ETV1: variants seen among roughly 807,000 people sequenced by gnomAD.
ETV1 encodes ETS translocation variant 1.
A neutral mutation model predicts 62.3 loss-of-function variants in ETV1; 27 were observed. The ratio of observed to expected loss-of-function variants is 0.43; its 90% CI spans 0.32 to 0.60. The LOEUF is 0.60. Among genes scored for constraint, ETV1 ranks in the 20% least tolerant of loss-of-function variants. ETV1 has a pLI of 0.06. For missense variants in ETV1, 605 were observed against 605.8 expected (o/e 1.00, Z 0.01); for synonymous variants, 222 against 199.6 (o/e 1.11, Z -0.94).
upstream of ETV1, chr7:13,989,695 C>A (rs1170572134): frequency 2.5e-6 from 1 of 398,362 alleles, no homozygotes; most frequent in Non-Finnish European, 4.4e-6. Flanking sequence ...GGTTTTTCCT[C>A]TACTTCTCCT....
intron 6 of ETV1, among the ~76,000 whole-genome samples, chr7:13,973,033 C>A (rs1200071404): frequency 6.6e-6 from 1 of 152,184 alleles, no homozygotes; most frequent in Non-Finnish European, 1.5e-5. Flanking sequence ...TAAACAGCAA[C>A]AAACAATGCT....
Position 13,939,264 on chromosome 7 carries a change from A to T in ETV1, c.236-18T>A. 1 of 1,594,194 alleles carries T rather than the reference A, an allele frequency of 6.3e-7. No individual in the cohort carries two copies. Among genetic ancestry groups the T allele is most frequent in the Non-Finnish European group, 8.5e-7 (1 of 1,174,406 alleles). Reference sequence around the variant, plus strand: ...AAAAGCCACTAGAAAAAAGAACAAAAATATCCACAAAAATTAAATGCTGTA... The same window carrying T: ...AAAAGCCACTAGAAAAAAGAACAAATATATCCACAAAAATTAAATGCTGTA... On this transcript the variant is annotated intron_variant, in intron 6 of 13. Coordinates refer to ENST00000430479, the MANE Select transcript of ETV1 (RefSeq NM_004956.5).
At chr7:13,921,781 G>A (rs561863093) in intron 9 of ETV1, among the ~76,000 whole-genome samples, 1 of 152,162 alleles carries the variant, frequency 6.6e-6, no homozygotes, top group South Asian at 2.1e-4. Context: ...AGGCAGGTGG[G>A]AGATGAACCC....
At chr7:13,988,822 A>G (rs1782806525) in intron 3 of ETV1, 186 bp downstream of exon 3, 1 of 1,602,126 alleles carries the variant, frequency 6.2e-7, no homozygotes, top group South Asian at 1.1e-5. Flanking sequence ...GCCTTATCCA[A>G]ATCACTGAAA....
At chr7:13,901,820 C>T (rs1782464680) in intron 12 of ETV1, among the ~76,000 whole-genome samples, 1 of 151,994 alleles carries the variant, frequency 6.6e-6, no homozygotes, top group Non-Finnish European at 1.5e-5. Context: ...TATATGAGTC[C>T]ACAAACAAAA....
chr7:13,941,906 T>G (rs867736764), intron 6 of ETV1, among the ~76,000 whole-genome samples: 15 of 136,046 alleles, frequency 1.1e-4, no homozygotes, highest in African/African-American at 2.4e-4. Flanking sequence ...AATAAATAAA[T>G]AAAGTAAGAA....
chr7:13,959,739 C>A (rs1046682711), intron 6 of ETV1, among the ~76,000 whole-genome samples: 1 of 151,860 alleles, frequency 6.6e-6, no homozygotes, highest in Non-Finnish European at 1.5e-5. Context: ...CAAAAAGTAG[C>A]CAGAGTGGTG....
intron 6 of ETV1, among the ~76,000 whole-genome samples, chr7:13,966,034 A>ATG (rs1361283983): frequency 2.6e-5 from 4 of 152,234 alleles, no homozygotes; most frequent in Non-Finnish European, 4.4e-5. Flanking sequence ...ATTAGGATCT[A>ATG]TGTAAAGTAT....
chr7:13,980,471 A>C lies in ETV1; in HGVS notation c.182-2991T>G, dbSNP rs547876173. Among the ~76,000 whole-genome samples the C allele has an allele frequency of 3.3e-5, 5 of 152,288 alleles. No homozygotes were observed. The South Asian group carries it at 1.0e-3, about 32-fold the overall frequency. ...AGCCTAAAAAAGCAATGTTTTTTCC[A>C]CTACTATCTATTATAAACTGTGCTG... is the stretch of plus-strand genomic sequence containing the variant. On this transcript the variant is annotated intron_variant, in intron 5 of 13. Coordinates refer to ENST00000430479, the MANE Select transcript of ETV1 (RefSeq NM_004956.5).
intron 13 of ETV1, 136 bp from the exon 14 acceptor site, chr7:13,896,223 T>A: frequency 8.5e-6 from 5 of 588,996 alleles, no homozygotes. Flanking sequence ...AAACAACTAA[T>A]AGCAGATACA....
chr7:13,919,225 T>A (rs1196089227), intron 9 of ETV1, among the ~76,000 whole-genome samples: 2 of 152,094 alleles, frequency 1.3e-5, no homozygotes, highest in African/African-American at 4.8e-5. Flanking sequence ...ACTGGAGGCA[T>A]AAGGGGTTAC....
intron 6 of ETV1, among the ~76,000 whole-genome samples, chr7:13,971,549 C>T (rs921572982): frequency 2.0e-5 from 3 of 152,058 alleles, no homozygotes; most frequent in African/African-American, 7.3e-5. Flanking sequence ...ACTTGCATTC[C>T]AGTGTGTTTT....
intron 9 of ETV1, among the ~76,000 whole-genome samples, chr7:13,931,275 T>C (rs1786115186): frequency 6.6e-6 from 1 of 152,260 alleles, no homozygotes. Flanking sequence ...TGTATTTTTC[T>C]TTAAACTGGT....
intron 10 of ETV1, 28 bp downstream of exon 10, chr7:13,911,211 C>A: frequency 6.5e-7 from 1 of 1,529,980 alleles, no homozygotes; most frequent in Non-Finnish European, 9.1e-7. Context: ...ACGGTATTTA[C>A]ACGGAATTTC....
intron 9 of ETV1, among the ~76,000 whole-genome samples, chr7:13,929,087 T>C (rs1785780508): frequency 6.6e-6 from 1 of 152,248 alleles, no homozygotes; most frequent in African/African-American, 2.4e-5. Context: ...TAATGAATTT[T>C]AAAAACTACA....
At chr7:13,976,015 G>A (rs1257397049) in intron 6 of ETV1, among the ~76,000 whole-genome samples, 1 of 152,186 alleles carries the variant, frequency 6.6e-6, no homozygotes, top group Non-Finnish European at 1.5e-5. Context: ...CTTTAATCAA[G>A]AAGGGGAGGA....
In ETV1 at chr7:13,986,956, T is replaced by C. The variant is rs1395243269; in HGVS notation, c.134-271A>G. 8.2e-5 allele frequency: 29 copies of C among 355,194 alleles called. No homozygotes were observed. The East Asian group carries it at 1.5e-3, about 19-fold the overall frequency. 22.0% of individuals were successfully genotyped at this position (355,194 alleles called of 1,614,324 possible). On this transcript the variant is annotated intron_variant, in intron 4 of 13. Transcript: ENST00000430479. ...TCTTTTTAACAAACAGCTTAATAAA[T>C]AAGCTCAGGGATACCAGAATTCACA...
In ETV1 at chr7:13,918,344, C is replaced by A. The variant is rs1277651851; in HGVS notation, c.803-7037G>T. 2.0e-5 allele frequency among the ~76,000 whole-genome samples: 3 copies of A among 152,184 alleles called. No homozygotes were observed. The South Asian group carries it at 6.2e-4, about 31-fold the overall frequency. On this transcript the variant is annotated intron_variant, in intron 9 of 13. Coordinates refer to ENST00000430479, the MANE Select transcript of ETV1 (RefSeq NM_004956.5). ...TTGAACTAGTTTACAGTCCCACCAACAGTGTAAAAGTGTTCCTATTTCTCC... is the reference window on the plus strand; with the variant it reads ...TTGAACTAGTTTACAGTCCCACCAAAAGTGTAAAAGTGTTCCTATTTCTCC...
intron 9 of ETV1, among the ~76,000 whole-genome samples, chr7:13,913,836 G>GCCAGACTCT (rs756888108): frequency 1.9e-4 from 28 of 148,934 alleles, no homozygotes; most frequent in Non-Finnish European, 3.3e-4. Flanking sequence ...TAAGGTTTAA[G>GCCAGACTCT]CCAGACTCTC....
Sources: gnomAD v4.1 joint callset for allele counts (sites outside exome capture counted in the v4.1 genomes callset) on GRCh38, gnomAD v4.1.1 for gene constraint, MANE v1.5 for transcripts, NCBI Gene and HGNC (gene_info 2026-07-23, HGNC 2026-07-21) for gene names.